The following PVT1 variants were observed in gnomAD, a reference collection of about 807,000 sequenced individuals.
PVT1 encodes Pvt1 oncogene.
chr8:127,816,408 A>C (rs1350543386), intron 2 of PVT1, among the ~76,000 whole-genome samples: 1 of 151,232 alleles, frequency 6.6e-6, no homozygotes, highest in Non-Finnish European at 1.5e-5. Context: ...TCGGCCTCTC[A>C]AAGTGTTGAG....
chr8:127,938,877 C>A (rs555292116), intron 3 of PVT1, among the ~76,000 whole-genome samples: 1 of 152,206 alleles, frequency 6.6e-6, no homozygotes, highest in Non-Finnish European at 1.5e-5. Context: ...GTTGGTTGAG[C>A]GTCTCCTTTG....
chr8:128,058,091 G>T (rs1813782774), intron 4 of PVT1, among the ~76,000 whole-genome samples: 1 of 152,164 alleles, frequency 6.6e-6, no homozygotes, highest in South Asian at 2.1e-4. Flanking sequence ...AATGGAGTTG[G>T]TTACCTGACC....
At chr8:128,002,883 TC>T (rs1817196517) in intron 4 of PVT1, among the ~76,000 whole-genome samples, 1 of 152,244 alleles carries the variant, frequency 6.6e-6, no homozygotes, top group East Asian at 1.9e-4. Flanking sequence ...TTCTTTTTTT[TC>T]CTTTTCTTTT....
chr8:128,040,541 T>C (rs958834222), intron 4 of PVT1, among the ~76,000 whole-genome samples: 9 of 152,212 alleles, frequency 5.9e-5, no homozygotes, highest in Non-Finnish European at 1.0e-4. Context: ...AGGGATAAAT[T>C]TGGATATCCA....
intron 4 of PVT1, among the ~76,000 whole-genome samples, chr8:128,021,290 C>CTTTT (rs11438511): frequency 0.025 from 2,001 of 81,014 alleles, 209 homozygotes; most frequent in East Asian, 0.085. Flanking sequence ...AGGACTTGTG[C>CTTTT]TTTTTTTTTT....
intron 3 of PVT1, chr8:127,948,423 A>G (rs543562781): frequency 1.8e-5 from 3 of 162,728 alleles, no homozygotes; most frequent in African/African-American, 7.2e-5. Flanking sequence ...TTGCCCTCAG[A>G]TTTTGATCTT....
At chr8:127,882,215 G>T (rs1017789769) in intron 2 of PVT1, among the ~76,000 whole-genome samples, 2 of 152,146 alleles carry the variant, frequency 1.3e-5, no homozygotes, top group Non-Finnish European at 2.9e-5. Context: ...GCACTCGAAG[G>T]CTTGGGAATT....
chr8:127,801,200 T>A (rs1814461786), intron 2 of PVT1, among the ~76,000 whole-genome samples: 1 of 152,190 alleles, frequency 6.6e-6, no homozygotes. Context: ...GATTCTGTCT[T>A]TTACTCTGTA....
At chr8:127,935,608 C>T (rs1816263373) in intron 3 of PVT1, among the ~76,000 whole-genome samples, 1 of 152,074 alleles carries the variant, frequency 6.6e-6, no homozygotes. Flanking sequence ...TGGTCCAAAG[C>T]CTAGAAGAAG....
At chr8:128,049,568 C>A (rs569719536) in intron 4 of PVT1, among the ~76,000 whole-genome samples, 41 of 152,218 alleles carry the variant, frequency 2.7e-4, no homozygotes, top group African/African-American at 9.4e-4. Flanking sequence ...CTCTTCTCTG[C>A]CTTGTTTTGT....
chr8:128,083,673 A>G (rs1338915362), intron 5 of PVT1, among the ~76,000 whole-genome samples: 2 of 152,328 alleles, frequency 1.3e-5, no homozygotes, highest in Admixed American at 6.5e-5. Flanking sequence ...GGTCTTTCCA[A>G]CTAGTGGTTT....
chr8:128,036,095 G>A (rs763392260), intron 4 of PVT1, among the ~76,000 whole-genome samples: 9 of 152,220 alleles, frequency 5.9e-5, no homozygotes, highest in Non-Finnish European at 1.2e-4. Flanking sequence ...TAGTGATGAA[G>A]GAGACTGAAT....
chr8:128,004,740 A>G (rs966199551), intron 4 of PVT1, among the ~76,000 whole-genome samples: 1 of 152,202 alleles, frequency 6.6e-6, no homozygotes, highest in Non-Finnish European at 1.5e-5. Context: ...GCCCTGAACA[A>G]GTTACTTTCC....
intron 2 of PVT1, among the ~76,000 whole-genome samples, chr8:127,823,830 G>A (rs908030599): frequency 2.3e-4 from 35 of 152,366 alleles, no homozygotes; most frequent in African/African-American, 8.2e-4. Flanking sequence ...CGTCGAAGCA[G>A]TCGGCTTTGA....
intron 2 of PVT1, among the ~76,000 whole-genome samples, chr8:127,853,853 G>A (rs1415923419): frequency 2.7e-5 from 4 of 150,534 alleles, no homozygotes; most frequent in Non-Finnish European, 4.4e-5. Flanking sequence ...GGCGGGGCAC[G>A]ATGCTTTTTA....
Position 128,077,490 on chromosome 8 carries a change from GA to G in PVT1, n.1114+7137del, listed in dbSNP as rs943245793. Among the ~76,000 whole-genome samples the G allele has an allele frequency of 9.2e-5, 14 of 151,466 alleles. No individual in the cohort carries two copies. In the South Asian group the frequency reaches 1.5e-3, roughly 16 times the overall value. Reference sequence around the variant, plus strand: ...TATTTCCCTTTTCCTGTTTTATATGGAAAAAAAACTCATAATTTTATAAGCA... The same window carrying G: ...TATTTCCCTTTTCCTGTTTTATATGGAAAAAAACTCATAATTTTATAAGCA... On this transcript the variant is annotated intron_variant and non_coding_transcript_variant, in intron 5 of 10. Transcript: ENST00000651587.
At chr8:127,892,663 A>C (rs1815626009) in intron 3 of PVT1, among the ~76,000 whole-genome samples, 1 of 152,124 alleles carries the variant, frequency 6.6e-6, no homozygotes, top group Admixed American at 6.5e-5. Context: ...CTTCAGCTGA[A>C]GACTTTTCCT....
chr8:127,897,472 A>AAGAAAGAG (rs984073414), intron 3 of PVT1, among the ~76,000 whole-genome samples: 2 of 151,802 alleles, frequency 1.3e-5, no homozygotes, highest in African/African-American at 4.8e-5. Context: ...GAAAGTAAGA[A>AAGAAAGAG]AGAAAGAGAG....
At chr8:127,965,473 G>A (rs1328766823) in intron 3 of PVT1, among the ~76,000 whole-genome samples, 1 of 152,176 alleles carries the variant, frequency 6.6e-6, no homozygotes, top group Non-Finnish European at 1.5e-5. Flanking sequence ...GCTTGCTGTA[G>A]GCTCTGGCGT....
Sources: gnomAD v4.1 joint callset for allele counts (sites outside exome capture counted in the v4.1 genomes callset) on GRCh38, gnomAD v4.1.1 for gene constraint, MANE v1.5 for transcripts, NCBI Gene and HGNC (gene_info 2026-07-23, HGNC 2026-07-21) for gene names.